The following RGS7 variants were observed in gnomAD, a reference collection of about 807,000 sequenced individuals.
The protein encoded by RGS7 is regulator of G protein signaling 7.
In RGS7, 27 loss-of-function variants were observed where a neutral mutation model predicts 81.1. The observed-to-expected ratio is 0.33, with a 90% CI of 0.25 to 0.46. The LOEUF (loss-of-function observed/expected upper bound fraction) is 0.46. RGS7 is among the 20% of genes least tolerant of loss of function. The probability of loss-of-function intolerance (pLI) is 1.00; values close to 1 mark genes in which losing one functional copy is unlikely to be tolerated. For synonymous variants in RGS7, 208 were observed against 207.7 expected, an observed-to-expected ratio of 1.00 and a Z score of -0.01; for missense variants, 396 against 607.4, an observed-to-expected ratio of 0.65 and a Z score of 3.66.
At chr1:241,354,052 G>C (rs999203759) in intron 2 of RGS7, among the ~76,000 whole-genome samples, 1 of 152,048 alleles carries the variant, frequency 6.6e-6, no homozygotes, top group African/African-American at 2.4e-5. Context: ...AACAGAGAGG[G>C]AATACAATTG....
At chr1:240,971,810 C>T (rs6682084) in intron 4 of RGS7, among the ~76,000 whole-genome samples, 5 of 151,838 alleles carry the variant, frequency 3.3e-5, no homozygotes, top group African/African-American at 9.7e-5. Context: ...GATAATAAAG[C>T]GGTCATTTTT....
intron 9 of RGS7, among the ~76,000 whole-genome samples, chr1:240,845,884 C>T (rs1391968279): frequency 1.3e-5 from 2 of 152,308 alleles, no homozygotes; most frequent in Non-Finnish European, 1.5e-5. Flanking sequence ...AATTGACAAG[C>T]TTCTCGATAA....
At chr1:241,299,110 G>A (rs1055413820) in intron 2 of RGS7, among the ~76,000 whole-genome samples, 2 of 152,106 alleles carry the variant, frequency 1.3e-5, no homozygotes, top group African/African-American at 4.8e-5. Context: ...TAATTTTAAC[G>A]CTACTATGTA....
chr1:240,829,643 A>G (rs529004346), intron 9 of RGS7, among the ~76,000 whole-genome samples: 267 of 152,268 alleles, frequency 1.8e-3, no homozygotes, highest in Middle Eastern at 6.8e-3. Flanking sequence ...TCAGGAGCCA[A>G]GCACAGTGCC....
chr1:240,927,614 G>A (rs192382833), intron 6 of RGS7, among the ~76,000 whole-genome samples: 4 of 152,130 alleles, frequency 2.6e-5, no homozygotes, highest in Non-Finnish European at 2.9e-5. Flanking sequence ...AAGAAAAATC[G>A]TAGAAAATGA....
At chr1:241,103,080 T>A (rs2102909891) in intron 2 of RGS7, among the ~76,000 whole-genome samples, 1 of 150,924 alleles carries the variant, frequency 6.6e-6, no homozygotes, top group African/African-American at 2.4e-5. Flanking sequence ...GCAACTCCAA[T>A]AAATATGAAA....
At chr1:241,198,537 T>C (rs1305962127) in intron 2 of RGS7, among the ~76,000 whole-genome samples, 1 of 152,132 alleles carries the variant, frequency 6.6e-6, no homozygotes, top group Non-Finnish European at 1.5e-5. Flanking sequence ...TAATAGAATA[T>C]TTTGAATAGC....
At chr1:240,903,183 A>C (rs1670286489) in intron 6 of RGS7, among the ~76,000 whole-genome samples, 1 of 152,202 alleles carries the variant, frequency 6.6e-6, no homozygotes, top group Non-Finnish European at 1.5e-5. Flanking sequence ...AAGAAGAGGA[A>C]ACAAATATAT....
At chr1:241,356,634 C>G (rs373899043) in intron 1 of RGS7, among the ~76,000 whole-genome samples, 1 of 152,128 alleles carries the variant, frequency 6.6e-6, no homozygotes, top group East Asian at 1.9e-4. Context: ...CCCTGCTCCC[C>G]TTGCTCGCTC....
chr1:240,975,343 A>G (rs1683907173), intron 4 of RGS7, among the ~76,000 whole-genome samples: 1 of 152,188 alleles, frequency 6.6e-6, no homozygotes, highest in African/African-American at 2.4e-5. Flanking sequence ...CAGAGGTTGC[A>G]GCAAGCCAAG....
chr1:240,944,272 GTGTGTGTGTGTA>G (rs1355335475), intron 4 of RGS7, among the ~76,000 whole-genome samples: 277 of 37,098 alleles, frequency 7.5e-3, no homozygotes, highest in African/African-American at 0.011. Flanking sequence ...GTGTGTGTGT[GTGTGTGTGTGTA>G]TATATATATA....
At chr1:241,270,715 T>C (rs1472613759) in intron 2 of RGS7, among the ~76,000 whole-genome samples, 2 of 151,866 alleles carry the variant, frequency 1.3e-5, no homozygotes, top group East Asian at 1.9e-4. Context: ...GGACCTGACA[T>C]GTAGAATGAC....
intron 2 of RGS7, among the ~76,000 whole-genome samples, chr1:241,250,484 A>G (rs1248293723): frequency 2.0e-5 from 3 of 151,176 alleles, no homozygotes; most frequent in Non-Finnish European, 2.9e-5. Flanking sequence ...TTTTTTGGAC[A>G]CTCACCTTCT....
intron 2 of RGS7, among the ~76,000 whole-genome samples, chr1:241,117,453 T>C (rs2065952145): frequency 1.3e-5 from 2 of 152,164 alleles, no homozygotes; most frequent in East Asian, 1.9e-4. Flanking sequence ...GAATCTACCA[T>C]GTAGAAGTGC....
chr1:240,901,048 G>A (rs113271006), intron 6 of RGS7, among the ~76,000 whole-genome samples: 18,493 of 151,002 alleles, frequency 0.12, 1,364 homozygotes, highest in Middle Eastern at 0.18. Context: ...TCAGACTGCT[G>A]TGCTAGCAGT....
In RGS7 at chr1:241,355,768, C is replaced by T; in HGVS notation, c.9G>A (p.Gln3=). Residue 3 remains glutamine, a synonymous_variant, in exon 2 of 19, where the codon CAG becomes CAA. Transcript: ENST00000440928. The stretch of plus-strand genomic sequence containing the variant: ...TGCTGGTCTGCCCATAATTATTCCC[C>T]TGGGCCATGTCACCCAAAACTTGGT... MA[Q]GNNYGQTSNG... 6.2e-7 allele frequency: 1 copy of T among 1,614,068 alleles called. No homozygotes were observed. Among genetic ancestry groups the T allele is most frequent in the Non-Finnish European group, 8.5e-7 (1 of 1,179,962 alleles).
intron 9 of RGS7, among the ~76,000 whole-genome samples, chr1:240,867,890 T>C (rs745691304): frequency 8.6e-5 from 13 of 151,498 alleles, no homozygotes; most frequent in Admixed American, 2.0e-4. Flanking sequence ...TTGTCCCAGA[T>C]ACTTGGGAGG....
intron 3 of RGS7, among the ~76,000 whole-genome samples, chr1:241,056,826 T>A (rs909477003): frequency 5.9e-5 from 9 of 152,204 alleles, no homozygotes; most frequent in African/African-American, 2.2e-4. Context: ...GTGGTTTCTT[T>A]CAGGGCAACC....
intron 17 of RGS7, among the ~76,000 whole-genome samples, 158 bp from the exon 18 acceptor site, chr1:240,800,879 C>A (rs943336882): frequency 2.0e-5 from 3 of 152,090 alleles, no homozygotes; most frequent in African/African-American, 7.2e-5. Flanking sequence ...AGGAAAACTA[C>A]TGGTTTCTCA....
Sources: gnomAD v4.1 joint callset for allele counts (sites outside exome capture counted in the v4.1 genomes callset) on GRCh38, gnomAD v4.1.1 for gene constraint, MANE v1.5 for transcripts, NCBI Gene and HGNC (gene_info 2026-07-23, HGNC 2026-07-21) for gene names.